Variants in CPQ observed in about 807,000 individuals in gnomAD.
CPQ encodes the protein carboxypeptidase Q, also known as Ser-Met dipeptidase.
Under a neutral mutation model 45.7 loss-of-function variants are expected in CPQ, and 37 were observed. That is an observed-to-expected ratio of 0.81 (90% confidence interval 0.62 to 1.07). The LOEUF (loss-of-function observed/expected upper bound fraction) is 1.07. CPQ is among the 50% of genes least tolerant of loss of function. CPQ has a pLI of 0.00. For synonymous variants in CPQ, 186 were observed against 205.8 expected (o/e 0.90, Z 0.82); for missense variants, 537 against 572.9 (o/e 0.94, Z 0.64).
chr8:96,667,786 C>T (rs1264482249), intron 1 of CPQ, among the ~76,000 whole-genome samples: 1 of 152,132 alleles, frequency 6.6e-6, no homozygotes, highest in Non-Finnish European at 1.5e-5. Flanking sequence ...ATTAGCTATC[C>T]TTCAAAGTGT....
intron 3 of CPQ, among the ~76,000 whole-genome samples, chr8:96,873,670 T>A (rs1054947119): frequency 6.6e-6 from 1 of 151,786 alleles, no homozygotes; most frequent in African/African-American, 2.4e-5. Context: ...CTCACAATCT[T>A]TACAATTCCC....
rs144761068 is a variant in CPQ at position 96,774,292 on chromosome 8, A to T, written c.-34-10572A>T. ...TCTCAAAAAAAAAAAAAAAGTTTCA[A>T]CATGAATTTTGGAGGGGACACCATC... On this transcript the variant is annotated intron_variant, in intron 1 of 7. Coordinates refer to ENST00000220763, the MANE Select transcript of CPQ (RefSeq NM_016134.4). Among the ~76,000 whole-genome samples, 334 of 152,114 alleles carry T rather than the reference A, an allele frequency of 2.2e-3. 6 individuals are homozygous for T. The Middle Eastern group carries it at 0.065, about 29-fold the overall frequency.
intron 4 of CPQ, among the ~76,000 whole-genome samples, chr8:96,944,625 G>A (rs940472695): frequency 6.6e-6 from 1 of 152,144 alleles, no homozygotes; most frequent in African/African-American, 2.4e-5. Context: ...ATAATCCACT[G>A]TACGAGAGTG....
At chr8:96,751,014 A>G (rs1025815238) in intron 1 of CPQ, among the ~76,000 whole-genome samples, 2 of 151,880 alleles carry the variant, frequency 1.3e-5, no homozygotes, top group Admixed American at 6.6e-5. Context: ...TATGTACCAC[A>G]TTTTCTTTAT....
intron 1 of CPQ, among the ~76,000 whole-genome samples, chr8:96,746,333 C>T (rs1810181930): frequency 1.3e-5 from 2 of 152,156 alleles, no homozygotes; most frequent in South Asian, 4.1e-4. Flanking sequence ...AATATTTCTA[C>T]AATGTAATAT....
In CPQ at chr8:96,863,495, G is replaced by A. The variant is rs149207802; in HGVS notation, c.642-16303G>A. ...GAGGCAATAGAGATAGTGAAATTGG[G>A]CAGGAAGAGGTGTGGTGAAGGTGAG... is the stretch of plus-strand genomic sequence containing the variant. On this transcript the variant is annotated intron_variant, in intron 3 of 7. Transcript: ENST00000220763. Among the ~76,000 whole-genome samples the A allele has an allele frequency of 2.1e-3, 324 of 152,132 alleles. 4 individuals are homozygous for A. Among genetic ancestry groups the A allele is most frequent in the South Asian group, 0.012 (56 of 4,816 alleles).
rs1208693510 is a variant in CPQ at position 97,029,095 on chromosome 8, G to A, written c.962-308G>A. Among the ~76,000 whole-genome samples, 4 of 152,262 alleles carry A rather than the reference G, an allele frequency of 2.6e-5. No homozygotes were observed. The East Asian group carries it at 5.8e-4, about 22-fold the overall frequency. ...TCCAGATATGATCTAATATCTCACT[G>A]ATCTTGGCCATCCATTGGGTTCTGC... On this transcript the variant is annotated intron_variant, in intron 5 of 7. Coordinates refer to ENST00000220763, the MANE Select transcript of CPQ (RefSeq NM_016134.4).
intron 1 of CPQ, among the ~76,000 whole-genome samples, chr8:96,686,020 T>C (rs2464495): frequency 0.71 from 107,132 of 151,442 alleles, 38,291 homozygotes; most frequent in Middle Eastern, 0.82. Flanking sequence ...TTGCGTTGTT[T>C]GTATGTATGA....
chr8:97,047,860 T>C (rs1410470399), intron 6 of CPQ, among the ~76,000 whole-genome samples: 2 of 152,202 alleles, frequency 1.3e-5, no homozygotes, highest in Non-Finnish European at 2.9e-5. Flanking sequence ...AACATACTAC[T>C]CTAGGACATT....
chr8:96,681,786 G>A (rs1193989714), intron 1 of CPQ, among the ~76,000 whole-genome samples: 1 of 152,204 alleles, frequency 6.6e-6, no homozygotes, highest in Admixed American at 6.5e-5. Flanking sequence ...AAGCCACAGA[G>A]GCAGAGCTGC....
At chr8:96,850,723 C>T (rs1811760202) in intron 3 of CPQ, among the ~76,000 whole-genome samples, 1 of 151,862 alleles carries the variant, frequency 6.6e-6, no homozygotes, top group African/African-American at 2.4e-5. Flanking sequence ...GATTCTCCTG[C>T]CTCAACCTCC....
chr8:96,713,844 A>G (rs1359350175), intron 1 of CPQ, among the ~76,000 whole-genome samples: 1 of 152,218 alleles, frequency 6.6e-6, no homozygotes, highest in Non-Finnish European at 1.5e-5. Context: ...TGGTAGTGAC[A>G]AACTCCTTCA....
At chr8:97,094,705 T>C (rs1811182330) in intron 7 of CPQ, among the ~76,000 whole-genome samples, 1 of 152,116 alleles carries the variant, frequency 6.6e-6, no homozygotes, top group African/African-American at 2.4e-5. Flanking sequence ...TTCTCTCTCT[T>C]CTCTAAACTT....
chr8:96,810,209 T>C (rs768787047), intron 2 of CPQ, among the ~76,000 whole-genome samples: 3 of 152,198 alleles, frequency 2.0e-5, no homozygotes, highest in Non-Finnish European at 1.5e-5. Flanking sequence ...GCTTTGTCAG[T>C]ATACTCACCA....
In CPQ at chr8:96,768,213, T is replaced by A. The variant is rs188177897; in HGVS notation, c.-34-16651T>A. ...GCCCTGATGTAGTGCTACAATAGTTTTATTTTACATTGACTGATTAAGCAC... is the reference window on the plus strand; with the variant it reads ...GCCCTGATGTAGTGCTACAATAGTTATATTTTACATTGACTGATTAAGCAC... On this transcript the variant is annotated intron_variant, in intron 1 of 7. Transcript: ENST00000220763. Among the ~76,000 whole-genome samples, 5 of 152,332 alleles carry A rather than the reference T, an allele frequency of 3.3e-5. No individual in the cohort carries two copies. In the East Asian group the frequency reaches 9.7e-4, roughly 29 times the overall value.
At chr8:96,772,077 AAGG>A (rs1563493049) in intron 1 of CPQ, among the ~76,000 whole-genome samples, 2 of 152,146 alleles carry the variant, frequency 1.3e-5, no homozygotes, top group African/African-American at 4.8e-5. Flanking sequence ...GGTTTGAACA[AAGG>A]AGGAAAAAAT....
chr8:96,670,377 T>C (rs1808987049), intron 1 of CPQ, among the ~76,000 whole-genome samples: 1 of 148,756 alleles, frequency 6.7e-6, no homozygotes, highest in South Asian at 2.1e-4. Context: ...GCAAAAGCAA[T>C]GCAAGTATGA....
At chr8:96,818,299 T>C (rs1811256448) in intron 2 of CPQ, among the ~76,000 whole-genome samples, 1 of 151,894 alleles carries the variant, frequency 6.6e-6, no homozygotes, top group Non-Finnish European at 1.5e-5. Context: ...AGGTTTCTCT[T>C]CTTACATGGG....
At chr8:96,764,567 T>C (rs375426149) in intron 1 of CPQ, among the ~76,000 whole-genome samples, 2 of 152,204 alleles carry the variant, frequency 1.3e-5, no homozygotes, top group African/African-American at 4.8e-5. Flanking sequence ...GTCTATTATA[T>C]GTTAATTATA....
Sources: allele counts gnomAD v4.1 joint callset (sites outside exome capture counted in the v4.1 genomes callset), GRCh38; gene constraint gnomAD v4.1.1; transcripts MANE v1.5; gene names NCBI Gene and HGNC (gene_info 2026-07-23, HGNC 2026-07-21).